The following RERE variants were observed in gnomAD, a reference collection of about 807,000 sequenced individuals.
The protein encoded by RERE is arginine-glutamic acid dipeptide repeats protein.
RERE carries 40 observed loss-of-function variants against 146.1 expected under a neutral mutation model. That is an observed-to-expected ratio of 0.27 (90% CI 0.21 to 0.36). The LOEUF is 0.36. Among genes scored for constraint, RERE ranks in the 10% least tolerant of loss-of-function variants. RERE has a pLI of 1.00. For synonymous variants in RERE, 1,003 were observed against 866.0 expected (o/e 1.16, Z -2.78); for missense variants, 1,933 against 2,138.7 (o/e 0.90, Z 1.90).
intron 4 of RERE, among the ~76,000 whole-genome samples, chr1:8,561,026 C>T (rs945151819): frequency 4.6e-5 from 7 of 152,218 alleles, no homozygotes; most frequent in African/African-American, 1.7e-4. Flanking sequence ...TGTACAATGT[C>T]TATCTTTCAG....
chr1:8,732,742 G>A lies in RERE; in HGVS notation c.-144-76301C>T, dbSNP rs1640113541. Among the ~76,000 whole-genome samples, 2 of 149,378 alleles carry A rather than the reference G, an allele frequency of 1.3e-5. 1 individual carries two copies. Among genetic ancestry groups the A allele is most frequent in the South Asian group, 4.2e-4 (2 of 4,740 alleles). ...AGATGTTAATAATAGGGGGAACTCTGTGTGTGTGTCTGTATATGTGTGTGT... is the reference window on the plus strand; with the variant it reads ...AGATGTTAATAATAGGGGGAACTCTATGTGTGTGTCTGTATATGTGTGTGT... On this transcript the variant is annotated intron_variant, in intron 1 of 22. Transcript: ENST00000400908.
chr1:8,720,060 T>TC (rs1315191536), intron 1 of RERE, among the ~76,000 whole-genome samples: 1 of 151,232 alleles, frequency 6.6e-6, no homozygotes, highest in East Asian at 1.9e-4. Context: ...TTTCAAGAGA[T>TC]CGAGACCATC....
At chr1:8,392,751 A>C (rs1197988700) in intron 12 of RERE, among the ~76,000 whole-genome samples, 2 of 152,210 alleles carry the variant, frequency 1.3e-5, no homozygotes, top group African/African-American at 4.8e-5. Context: ...GGTTGTGCTG[A>C]AAACATTTCT....
intron 1 of RERE, among the ~76,000 whole-genome samples, chr1:8,747,151 A>ATG (rs2124511293): frequency 1.3e-5 from 2 of 151,796 alleles, no homozygotes; most frequent in African/African-American, 4.8e-5. Context: ...ACAGGGGCCC[A>ATG]CCACCACACC....
At chr1:8,749,428 GA>G (rs35901893) in intron 1 of RERE, among the ~76,000 whole-genome samples, 310 of 141,948 alleles carry the variant, frequency 2.2e-3, no homozygotes, top group African/African-American at 5.2e-3. Context: ...TTTTGCTCTG[GA>G]AAAAAAAAAA....
At chr1:8,793,495 A>C (rs187092542) in intron 1 of RERE, among the ~76,000 whole-genome samples, 52 of 152,370 alleles carry the variant, frequency 3.4e-4, no homozygotes, top group African/African-American at 1.2e-3. Flanking sequence ...AGACCCAAGC[A>C]AAATGGACTT....
At chr1:8,658,351 C>G (rs1278047592) in intron 1 of RERE, among the ~76,000 whole-genome samples, 1 of 152,176 alleles carries the variant, frequency 6.6e-6, no homozygotes, top group Non-Finnish European at 1.5e-5. Context: ...GTTTCTCATG[C>G]AACTAGGGTG....
intron 6 of RERE, among the ~76,000 whole-genome samples, chr1:8,553,240 A>G (rs960599497): frequency 1.3e-5 from 2 of 151,864 alleles, no homozygotes; most frequent in African/African-American, 2.4e-5. Flanking sequence ...GCATGTCCAC[A>G]TGCATATGAG....
intron 11 of RERE, among the ~76,000 whole-genome samples, chr1:8,440,808 A>T (rs1644237411): frequency 6.6e-6 from 1 of 151,410 alleles, no homozygotes; most frequent in South Asian, 2.1e-4. Flanking sequence ...GAGGCAGGAG[A>T]ATCGCTTGAA....
rs563755069 is a variant in RERE, at chr1:8,627,343, AAAAAAAT to A, written c.326-2970_326-2964del. ...ATGTCTGCCATTAGTGTGGGGGTTAAAAAAAATAAAAAATAAAAAATAAGGCCAAGTC... is the reference window on the plus strand; with the variant it reads ...ATGTCTGCCATTAGTGTGGGGGTTAAAAAAAATAAAAAATAAGGCCAAGTC... On this transcript the variant is annotated intron_variant, in intron 2 of 22. Coordinates refer to ENST00000400908, the MANE Select transcript of RERE (RefSeq NM_001042681.2). 1.0e-3 allele frequency among the ~76,000 whole-genome samples: 152 copies of A among 151,986 alleles called. 1 individual carries two copies. The highest frequency in any genetic ancestry group is 2.3e-3 in the East Asian group (12 of 5,176).
intron 12 of RERE, among the ~76,000 whole-genome samples, chr1:8,403,309 T>C (rs990431653): frequency 2.6e-5 from 4 of 152,220 alleles, no homozygotes; most frequent in African/African-American, 7.2e-5. Context: ...CTTTTCACAG[T>C]AGCCCTTACA....
At chr1:8,402,058 G>A (rs1570150108) in intron 12 of RERE, among the ~76,000 whole-genome samples, 2 of 152,054 alleles carry the variant, frequency 1.3e-5, no homozygotes, top group African/African-American at 4.8e-5. Flanking sequence ...TAGTAGAGAC[G>A]AGGTTTCACC....
At chr1:8,422,955 G>A in intron 11 of RERE, 148 bp from the exon 12 acceptor site, 2 of 635,460 alleles carry the variant, frequency 3.1e-6, no homozygotes, top group Admixed American at 2.5e-5. Context: ...TATGTCAGCA[G>A]CTCAGCTGGG....
chr1:8,781,397 G>A (rs1335703236), intron 1 of RERE, among the ~76,000 whole-genome samples: 1 of 151,712 alleles, frequency 6.6e-6, no homozygotes, highest in African/African-American at 2.4e-5. Flanking sequence ...AGCTGGGTGT[G>A]GTGGCACACG....
At chr1:8,427,056 A>AT in intron 11 of RERE, among the ~76,000 whole-genome samples, 1 of 152,226 alleles carries the variant, frequency 6.6e-6, no homozygotes, top group East Asian at 1.9e-4. Context: ...AGGTCTCACT[A>AT]TATTGCCCAG....
At chr1:8,451,335 G>A (rs1003782222) in intron 11 of RERE, among the ~76,000 whole-genome samples, 2 of 152,166 alleles carry the variant, frequency 1.3e-5, no homozygotes, top group Admixed American at 6.5e-5. Context: ...AGGAAGCTGA[G>A]GCAGGAGAAC....
At chr1:8,747,135 G>A (rs1468960933) in intron 1 of RERE, among the ~76,000 whole-genome samples, 2 of 151,888 alleles carry the variant, frequency 1.3e-5, no homozygotes, top group African/African-American at 4.8e-5. Context: ...CCGAGTAGCT[G>A]GGACTACAGG....
In RERE at chr1:8,815,904, TCAA is replaced by T. The variant is rs367852346; in HGVS notation, c.-145+1253_-145+1255del. On this transcript the variant is annotated intron_variant, in intron 1 of 22. Transcript: ENST00000400908. ...GCCTCTGCCTCTTTTCCCTTCGACCTCAACAACAACAGGGAGAGCTGGAAGCCA... is the reference window on the plus strand; with the variant it reads ...GCCTCTGCCTCTTTTCCCTTCGACCTCAACAACAGGGAGAGCTGGAAGCCA... Among the ~76,000 whole-genome samples the T allele has an allele frequency of 2.6e-3, 392 of 151,920 alleles. 3 individuals carry two copies. Among genetic ancestry groups the T allele is most frequent in the African/African-American group, 8.9e-3 (370 of 41,420 alleles).
intron 10 of RERE, among the ~76,000 whole-genome samples, chr1:8,474,333 G>A (rs1644726523): frequency 6.6e-6 from 1 of 152,170 alleles, no homozygotes; most frequent in African/African-American, 2.4e-5. Context: ...GCACAGAGAG[G>A]TGAGAGAATC....
Sources: allele counts gnomAD v4.1 joint callset (sites outside exome capture counted in the v4.1 genomes callset), GRCh38; gene constraint gnomAD v4.1.1; transcripts MANE v1.5; gene names NCBI Gene and HGNC (gene_info 2026-07-23, HGNC 2026-07-21).